The following PDGFC variants were observed in gnomAD, a reference collection of about 807,000 sequenced individuals.
PDGFC encodes the protein platelet-derived growth factor C.
A neutral mutation model predicts 35.5 loss-of-function variants in PDGFC; 12 were observed. The ratio of observed to expected loss-of-function variants is 0.34; its 90% CI spans 0.22 to 0.55. The LOEUF (loss-of-function observed/expected upper bound fraction) is 0.55. Among genes scored for constraint, PDGFC ranks in the 20% least tolerant of loss-of-function variants. The pLI is 0.91. For missense variants in PDGFC, 322 were observed against 412.4 expected (o/e 0.78, Z 1.90); for synonymous variants, 159 against 148.8 (o/e 1.07, Z -0.50).
intron 2 of PDGFC, among the ~76,000 whole-genome samples, chr4:156,815,368 C>CA (rs1560823299): frequency 6.9e-6 from 1 of 145,590 alleles, no homozygotes; most frequent in East Asian, 2.0e-4. Context: ...ACACACACAC[C>CA]CCGTTGTCAC....
chr4:156,915,109 C>G (rs921421498), intron 1 of PDGFC, among the ~76,000 whole-genome samples: 4 of 152,156 alleles, frequency 2.6e-5, no homozygotes, highest in African/African-American at 9.7e-5. Context: ...CCTAGATTTT[C>G]AGATCCAAAC....
At chr4:156,815,985 T>C (rs548615822) in intron 2 of PDGFC, among the ~76,000 whole-genome samples, 3 of 152,180 alleles carry the variant, frequency 2.0e-5, no homozygotes, top group Non-Finnish European at 4.4e-5. Context: ...TCTGGTGTTG[T>C]AGACAAAATT....
At chr4:156,896,628 T>C (rs954528393) in intron 1 of PDGFC, among the ~76,000 whole-genome samples, 1 of 152,296 alleles carries the variant, frequency 6.6e-6, no homozygotes, top group East Asian at 1.9e-4. Flanking sequence ...TTCAGTTACA[T>C]ATTTAGAAAA....
intron 3 of PDGFC, among the ~76,000 whole-genome samples, chr4:156,803,426 A>T (rs1329599082): frequency 6.6e-6 from 1 of 152,122 alleles, no homozygotes; most frequent in East Asian, 1.9e-4. Flanking sequence ...ATAATAGAGG[A>T]TGGGGTGCTG....
At chr4:156,842,636 AGTC>A (rs1476704609) in intron 2 of PDGFC, among the ~76,000 whole-genome samples, 1 of 152,170 alleles carries the variant, frequency 6.6e-6, no homozygotes, top group Non-Finnish European at 1.5e-5. Flanking sequence ...TCAGCTTAGT[AGTC>A]AAGGTTCTTC....
intron 1 of PDGFC, among the ~76,000 whole-genome samples, chr4:156,952,511 A>G (rs189138506): frequency 2.0e-5 from 3 of 151,978 alleles, no homozygotes; most frequent in East Asian, 1.9e-4. Context: ...GATATGAACT[A>G]TGCTTTAACC....
Position 156,772,724 on chromosome 4 carries a change from A to T in PDGFC, c.665T>A (p.Leu222His). The T allele has an allele frequency of 6.2e-7, 1 of 1,613,508 alleles. No individual in the cohort carries two copies. Among genetic ancestry groups the T allele is most frequent in the Non-Finnish European group, 8.5e-7 (1 of 1,179,592 alleles). The change falls in exon 4 of 6, where the codon CTT (leucine) becomes CAT (histidine). Residue 222 changes from leucine to histidine, a missense_variant. Leu to His is a moderately conservative substitution (Grantham distance 99). This residue lies in a region of PDGFC where 202 missense variants were observed against 295.9 expected (regional missense o/e 0.68). Transcript: ENST00000502773. ...TCCAAAAACAAAAGCCTTGCCAAGAAGTTGCCAAGTTGGCCTATATAGATC... is the reference window on the plus strand; with the variant it reads ...TCCAAAAACAAAAGCCTTGCCAAGATGTTGCCAAGTTGGCCTATATAGATC... ...LEDLYRPTWQ[L>H]LGKAFVFGRK...
intron 3 of PDGFC, among the ~76,000 whole-genome samples, chr4:156,783,905 G>T (rs1731047353): frequency 6.6e-6 from 1 of 152,128 alleles, no homozygotes; most frequent in Non-Finnish European, 1.5e-5. Flanking sequence ...GGTAGCTGGT[G>T]GGATGGGGAA....
rs151005462 is a variant in PDGFC, at chr4:156,823,598, G to A, written c.315-12581C>T. 6.1e-4 allele frequency among the ~76,000 whole-genome samples: 93 copies of A among 152,332 alleles called. No homozygotes were observed. In the East Asian group the frequency reaches 8.1e-3, roughly 13 times the overall value. On this transcript the variant is annotated intron_variant, in intron 2 of 5. Coordinates refer to ENST00000502773, the MANE Select transcript of PDGFC (RefSeq NM_016205.3). ...TTAATTGAAAAATACAATAGTGTGA[G>A]TTTATGGGGTACAATGTCATGTTGT... is the stretch of plus-strand genomic sequence containing the variant.
intron 1 of PDGFC, among the ~76,000 whole-genome samples, chr4:156,940,383 G>A (rs1301278901): frequency 6.6e-6 from 1 of 151,952 alleles, no homozygotes; most frequent in Non-Finnish European, 1.5e-5. Flanking sequence ...CAACACTCTG[G>A]ACAATTGATT....
chr4:156,802,354 A>T (rs952858920), intron 3 of PDGFC, among the ~76,000 whole-genome samples: 1 of 152,166 alleles, frequency 6.6e-6, no homozygotes, highest in Non-Finnish European at 1.5e-5. Context: ...TGGGCTTTGC[A>T]AAATTTGGCA....
intron 3 of PDGFC, among the ~76,000 whole-genome samples, chr4:156,793,572 T>C (rs1396784777): frequency 2.0e-5 from 3 of 146,932 alleles, no homozygotes; most frequent in Non-Finnish European, 4.5e-5. Context: ...TAAAACACTT[T>C]AAAATGTTAT....
intron 1 of PDGFC, among the ~76,000 whole-genome samples, chr4:156,962,032 C>T (rs1356031685): frequency 6.6e-6 from 1 of 152,134 alleles, no homozygotes; most frequent in African/African-American, 2.4e-5. Context: ...AGAAATCTGT[C>T]ACTGCCTGCC....
At chr4:156,883,879 T>C (rs952559686) in intron 1 of PDGFC, among the ~76,000 whole-genome samples, 6 of 152,180 alleles carry the variant, frequency 3.9e-5, no homozygotes, top group African/African-American at 1.2e-4. Context: ...TCAATTGGCA[T>C]TGACTTATGT....
chr4:156,851,317 A>G (rs1450791635), intron 1 of PDGFC, among the ~76,000 whole-genome samples: 2 of 152,250 alleles, frequency 1.3e-5, no homozygotes, highest in African/African-American at 2.4e-5. Flanking sequence ...GCACTTCTCA[A>G]TGCATGAATA....
chr4:156,846,110 T>G, intron 2 of PDGFC, among the ~76,000 whole-genome samples: 1 of 151,782 alleles, frequency 6.6e-6, no homozygotes, highest in East Asian at 1.9e-4. Context: ...AATAACTGTC[T>G]TTAAAAGTGG....
chr4:156,845,591 T>G (rs2111068258), intron 2 of PDGFC, among the ~76,000 whole-genome samples: 1 of 151,974 alleles, frequency 6.6e-6, no homozygotes, highest in Admixed American at 6.6e-5. Context: ...AATTATTGTC[T>G]ATAGACATAT....
intron 1 of PDGFC, among the ~76,000 whole-genome samples, chr4:156,857,248 T>G (rs1391859429): frequency 6.6e-6 from 1 of 152,056 alleles, no homozygotes; most frequent in Non-Finnish European, 1.5e-5. Flanking sequence ...CCACACATAC[T>G]AGGTTTCCTG....
intron 3 of PDGFC, among the ~76,000 whole-genome samples, chr4:156,782,264 A>C (rs955446388): frequency 3.7e-4 from 56 of 152,330 alleles, no homozygotes; most frequent in African/African-American, 1.3e-3. Context: ...CTGCTCACTT[A>C]TCCTATGTCG....
Sources: gnomAD v4.1 joint callset for allele counts (sites outside exome capture counted in the v4.1 genomes callset) on GRCh38, gnomAD v4.1.1 for gene constraint, gnomAD v4.1.1 regional missense constraint, MANE v1.5 for transcripts, NCBI Gene and HGNC (gene_info 2026-07-23, HGNC 2026-07-21) for gene names.